Variants in DNAJC13 observed in about 807,000 individuals in gnomAD.
The protein encoded by DNAJC13 is DnaJ heat shock protein family (Hsp40) member C13.
DNAJC13 carries 75 observed loss-of-function variants against 290.5 expected under a neutral mutation model. The observed-to-expected ratio is 0.26, with a 90% CI of 0.21 to 0.31. The LOEUF (loss-of-function observed/expected upper bound fraction) is 0.31. Ranked by LOEUF, DNAJC13 falls within the 10% of genes least tolerant of loss-of-function variation. The probability of loss-of-function intolerance (pLI) is 1.00; values close to 1 mark genes in which losing one functional copy is unlikely to be tolerated. For synonymous variants in DNAJC13, 862 were observed against 892.0 expected (o/e 0.97, Z 0.60); for missense variants, 2,260 against 2,674.5 (o/e 0.85, Z 3.42).
chr3:132,436,054 CTT>C (rs1449419245), intron 2 of DNAJC13, among the ~76,000 whole-genome samples: 2 of 152,146 alleles, frequency 1.3e-5, no homozygotes. Context: ...TAAGGCATAA[CTT>C]ATATACCATA....
chr3:132,443,127 T>C (rs1472657985), intron 2 of DNAJC13, among the ~76,000 whole-genome samples: 1 of 152,226 alleles, frequency 6.6e-6, no homozygotes, highest in Non-Finnish European at 1.5e-5. Context: ...CTTCTTTGAC[T>C]TGGGACACTG....
chr3:132,486,082 C>CTTTTT (rs758049804), intron 29 of DNAJC13, among the ~76,000 whole-genome samples: 4 of 40,520 alleles, frequency 9.9e-5, no homozygotes, highest in African/African-American at 4.5e-4. Context: ...ATGCCCTATC[C>CTTTTT]TTTTTTTTTT....
intron 5 of DNAJC13, among the ~76,000 whole-genome samples, chr3:132,449,307 A>G (rs1477053374): frequency 1.3e-5 from 2 of 152,156 alleles, no homozygotes; most frequent in Admixed American, 6.6e-5. Context: ...AGGGATAATG[A>G]TGCTTCCATC....
chr3:132,528,320 G>A lies in DNAJC13; in HGVS notation c.6513G>A (p.Gln2171=), dbSNP rs1936321071. Reference sequence around the variant, plus strand: ...TCAAGGCAATGACTCGAAGTTTGCAGTATGGAGAACAGGTGAGTCTGCATA... The same window carrying A: ...TCAAGGCAATGACTCGAAGTTTGCAATATGGAGAACAGGTGAGTCTGCATA... ...KALKAMTRSL[Q]YGEQVNEILC... is the part of the protein sequence containing the mutation. The change falls in exon 54 of 56, where the codon CAG becomes CAA. Residue 2171 remains glutamine (Q), a synonymous_variant. Coordinates refer to ENST00000260818, the MANE Select transcript of DNAJC13 (RefSeq NM_015268.4). 2.5e-6 allele frequency: 4 copies of A among 1,614,180 alleles called. No individual in the cohort carries two copies. The highest frequency in any genetic ancestry group is 1.1e-5 in the South Asian group (1 of 91,082).
At chr3:132,439,142 T>A (rs1932962709) in intron 2 of DNAJC13, among the ~76,000 whole-genome samples, 1 of 152,220 alleles carries the variant, frequency 6.6e-6, no homozygotes, top group African/African-American at 2.4e-5. Flanking sequence ...ATGCTGTGAA[T>A]TTAGAGTATC....
At chr3:132,488,545 T>C (rs1385925230) in intron 30 of DNAJC13, 93 bp downstream of exon 30, 1 of 1,241,750 alleles carries the variant, frequency 8.1e-7, no homozygotes, top group Non-Finnish European at 1.1e-6. Flanking sequence ...TTATTGCTTT[T>C]ATTAAAATTA....
In DNAJC13 at chr3:132,445,355, G is replaced by A. The variant is rs114695888; in HGVS notation, c.69-1120G>A. Among the ~76,000 whole-genome samples, 409 of 151,844 alleles carry A rather than the reference G, an allele frequency of 2.7e-3. 3 individuals are homozygous for A. Among genetic ancestry groups the A allele is most frequent in the African/African-American group, 9.3e-3 (387 of 41,402 alleles). On this transcript the variant is annotated intron_variant, in intron 2 of 55. Coordinates refer to ENST00000260818, the MANE Select transcript of DNAJC13 (RefSeq NM_015268.4). ...TTGAAGTGTTTACCTAATTGGTCAC[G>A]GTGTATTACTATTTTAAAATGCGAC...
In DNAJC13 at chr3:132,503,394, C is replaced by T. The variant is rs1935484337; in HGVS notation, c.4884+13C>T. On this transcript the variant is annotated intron_variant, in intron 41 of 55. Coordinates refer to ENST00000260818, the MANE Select transcript of DNAJC13 (RefSeq NM_015268.4). ...TAGTGTGACTGAGGTATGTGCTTCA[C>T]AGGTAGCCTGGGTTTTAATCAATAG... 1.9e-6 allele frequency: 3 copies of T among 1,613,764 alleles called. No homozygotes were observed. The highest frequency in any genetic ancestry group is 1.7e-6 in the Non-Finnish European group (2 of 1,179,760).
intron 31 of DNAJC13, 62 bp downstream of exon 31, chr3:132,489,083 T>TGCCCAGGCTGAAGTGCAGTGGCAGGA: frequency 2.2e-6 from 3 of 1,348,698 alleles, no homozygotes; most frequent in Non-Finnish European, 3.2e-6. Context: ...ACTATAAAGT[T>TGCCCAGGCTGAAGTGCAGTGGCAGGA]TCCTGAGCTG....
chr3:132,471,069 T>A (rs1266515949), intron 20 of DNAJC13, among the ~76,000 whole-genome samples: 4 of 110,100 alleles, frequency 3.6e-5, no homozygotes, highest in African/African-American at 1.1e-4. Context: ...GCGGGGGGCT[T>A]ACCCCCCCAC....
chr3:132,536,229 C>A (rs1157074212), intron 55 of DNAJC13, among the ~76,000 whole-genome samples: 1 of 152,176 alleles, frequency 6.6e-6, no homozygotes, highest in African/African-American at 2.4e-5. Flanking sequence ...CAGCAGTTAG[C>A]TGGATGATGT....
intron 38 of DNAJC13, 77 bp from the exon 39 acceptor site, chr3:132,500,717 G>T (rs1240409472): frequency 1.3e-6 from 2 of 1,581,280 alleles, no homozygotes; most frequent in Admixed American, 3.5e-5. Flanking sequence ...AATTTCTGCT[G>T]GTTTGATTTC....
intron 43 of DNAJC13, among the ~76,000 whole-genome samples, chr3:132,508,049 C>A (rs75829362): frequency 6.6e-6 from 1 of 152,102 alleles, no homozygotes; most frequent in Admixed American, 6.5e-5. Context: ...ATTGAAACAG[C>A]CTTATTGCTG....
chr3:132,457,397 G>T, intron 13 of DNAJC13, 29 bp downstream of exon 13: 1 of 1,568,850 alleles, frequency 6.4e-7, no homozygotes, highest in East Asian at 2.2e-5. Context: ...AAGGAAACTG[G>T]TTTTTCTTAA....
At chr3:132,483,808 A>G (rs1206313259) in intron 28 of DNAJC13, among the ~76,000 whole-genome samples, 1 of 152,234 alleles carries the variant, frequency 6.6e-6, no homozygotes, top group Admixed American at 6.5e-5. Context: ...CAAAACTGAG[A>G]CTTACAATAG....
Position 132,538,734 on chromosome 3 carries a change from G to T in DNAJC13, c.*452G>T, listed in dbSNP as rs529192980. On this transcript the variant is annotated 3_prime_UTR_variant, in exon 56 of 56. Coordinates refer to ENST00000260818, the MANE Select transcript of DNAJC13 (RefSeq NM_015268.4). ...TGGCCATCCTCCCCCCACCATCCAA[G>T]ACTATTAGGTTTTGTCCCTGCACCC... is the stretch of plus-strand genomic sequence containing the variant. 1 of 155,352 alleles carries T rather than the reference G, an allele frequency of 6.4e-6. No homozygotes were observed. Among genetic ancestry groups the T allele is most frequent in the East Asian group, 1.9e-4 (1 of 5,236 alleles). 9.6% of individuals were successfully genotyped at this position (155,352 alleles called of 1,614,324 possible). A position where few individuals can be genotyped will look rare whatever the true frequency, so the allele number is the denominator to read the frequency against.
At chr3:132,503,970 C>A (rs1334830794) in intron 41 of DNAJC13, among the ~76,000 whole-genome samples, 1 of 138,464 alleles carries the variant, frequency 7.2e-6, no homozygotes, top group Non-Finnish European at 1.5e-5. Flanking sequence ...TACTATTATC[C>A]TTTAATTATA....
chr3:132,462,369 T>G, intron 15 of DNAJC13, 98 bp from the exon 16 acceptor site: 1 of 1,177,632 alleles, frequency 8.5e-7, no homozygotes, highest in Non-Finnish European at 1.2e-6. Context: ...GGCTTATACC[T>G]TGTGTAAAAA....
intron 29 of DNAJC13, 69 bp downstream of exon 29, chr3:132,484,741 G>A (rs1934797160): frequency 1.4e-6 from 2 of 1,413,138 alleles, no homozygotes; most frequent in Non-Finnish European, 2.0e-6. Context: ...ATCAGTACCA[G>A]TCTTTGTTTT....
Sources: gnomAD v4.1 joint callset for allele counts (sites outside exome capture counted in the v4.1 genomes callset) on GRCh38, gnomAD v4.1.1 for gene constraint, MANE v1.5 for transcripts, NCBI Gene and HGNC (gene_info 2026-07-23, HGNC 2026-07-21) for gene names.